The following STPG2 variants were observed in gnomAD, a reference collection of about 807,000 sequenced individuals.
STPG2 encodes sperm tail PG-rich repeat containing 2, also known as sperm-tail PG-rich repeat-containing protein 2.
A neutral mutation model predicts 54.2 loss-of-function variants in STPG2; 56 were observed. The observed-to-expected ratio is 1.03, with a 90% CI of 0.83 to 1.29. The LOEUF is 1.29. Ranked by LOEUF, STPG2 falls within the 50% of genes most tolerant of loss-of-function variation. The pLI, the probability that STPG2 is intolerant of heterozygous loss-of-function variation, is 0.00. For synonymous variants in STPG2, 200 were observed against 181.8 expected, an observed-to-expected ratio of 1.10 and a Z score of -0.81; for missense variants, 596 against 544.9, an observed-to-expected ratio of 1.09 and a Z score of -0.93.
intron 4 of STPG2, among the ~76,000 whole-genome samples, chr4:97,449,152 A>G (rs1367154117): frequency 6.6e-6 from 1 of 152,134 alleles, no homozygotes; most frequent in Admixed American, 6.6e-5. Context: ...AAAGTCATAT[A>G]TATTTGGTAG....
chr4:97,660,287 C>T (rs747277122), intron 10 of STPG2, among the ~76,000 whole-genome samples: 6 of 152,228 alleles, frequency 3.9e-5, no homozygotes, highest in Non-Finnish European at 8.8e-5. Context: ...AGGCGTGAGC[C>T]ACCGCGCCGG....
intron 5 of STPG2, among the ~76,000 whole-genome samples, chr4:98,053,143 T>C (rs1043622023): frequency 6.6e-6 from 1 of 152,158 alleles, no homozygotes; most frequent in African/African-American, 2.4e-5. Flanking sequence ...ATACCATACC[T>C]TTCCAATTTC....
At chr4:97,512,046 G>C (rs992808979) in intron 4 of STPG2, among the ~76,000 whole-genome samples, 1 of 151,994 alleles carries the variant, frequency 6.6e-6, no homozygotes. Context: ...TTATAATCTT[G>C]AAATTGTATA....
At chr4:97,888,528 T>C (rs1357172282) in intron 8 of STPG2, among the ~76,000 whole-genome samples, 7 of 152,220 alleles carry the variant, frequency 4.6e-5, no homozygotes, top group Admixed American at 1.3e-4. Flanking sequence ...GGCTGATTTC[T>C]CCCTTTTAGA....
Position 97,762,699 on chromosome 4 carries a change from T to C in STPG2, c.1205-49885A>G, listed in dbSNP as rs1222829688. ...CCACACTAACTTCAAGTATTCCAAA[T>C]TAGAAGCAAAAAAAGCTTCAAAACA... On this transcript the variant is annotated intron_variant, in intron 9 of 10. Transcript: ENST00000295268. Among the ~76,000 whole-genome samples the C allele has an allele frequency of 3.9e-5, 6 of 152,092 alleles. No homozygotes were observed. In the South Asian group the frequency reaches 8.3e-4, roughly 21 times the overall value.
chr4:97,978,512 G>A (rs1250065686), intron 6 of STPG2, among the ~76,000 whole-genome samples: 1 of 152,146 alleles, frequency 6.6e-6, no homozygotes, highest in Non-Finnish European at 1.5e-5. Context: ...CCTACCAGTG[G>A]TGGAGGGTGG....
chr4:97,684,786 C>T (rs1723137607), intron 10 of STPG2, among the ~76,000 whole-genome samples: 1 of 151,814 alleles, frequency 6.6e-6, no homozygotes, highest in Non-Finnish European at 1.5e-5. Context: ...CTGAGAGAAA[C>T]ACTATTAGGA....
rs561839286 is a variant in STPG2, at chr4:97,726,301, G to A, written c.1205-13487C>T. Reference sequence around the variant, plus strand: ...GTAGTGGTCAGGGGCTAGAGAGGAAGTTATTGTTTAATGACAAGAGTTTCA... The same window carrying A: ...GTAGTGGTCAGGGGCTAGAGAGGAAATTATTGTTTAATGACAAGAGTTTCA... On this transcript the variant is annotated intron_variant, in intron 9 of 10. Coordinates refer to ENST00000295268, the MANE Select transcript of STPG2 (RefSeq NM_174952.3). Among the ~76,000 whole-genome samples, 689 of 152,014 alleles carry A rather than the reference G, an allele frequency of 4.5e-3. 2 individuals carry two copies. Among genetic ancestry groups the A allele is most frequent in the Middle Eastern group, 0.02 (6 of 294 alleles).
chr4:97,961,555 A>G (rs1733889878), intron 7 of STPG2, among the ~76,000 whole-genome samples: 2 of 152,234 alleles, frequency 1.3e-5, no homozygotes, highest in South Asian at 4.1e-4. Context: ...GGACATGAAT[A>G]GACAATTCTC....
chr4:98,022,326 A>T (rs914835861), intron 5 of STPG2, among the ~76,000 whole-genome samples: 1 of 151,802 alleles, frequency 6.6e-6, no homozygotes, highest in African/African-American at 2.4e-5. Context: ...TCTTTTCTTT[A>T]AGAATGTTGA....
chr4:97,874,361 C>T (rs1578644924), intron 8 of STPG2, among the ~76,000 whole-genome samples: 3 of 151,552 alleles, frequency 2.0e-5, no homozygotes, highest in Admixed American at 2.0e-4. Flanking sequence ...TGCAACTTTG[C>T]TCATGTATAA....
chr4:97,521,020 T>C (rs1457894997), intron 4 of STPG2, among the ~76,000 whole-genome samples: 1 of 152,084 alleles, frequency 6.6e-6, no homozygotes, highest in Admixed American at 6.6e-5. Flanking sequence ...TTGATATTTA[T>C]GTTATTAAAT....
intron 4 of STPG2, among the ~76,000 whole-genome samples, chr4:97,495,738 AAAGT>A (rs1730598921): frequency 6.6e-6 from 1 of 151,078 alleles, no homozygotes; most frequent in African/African-American, 2.4e-5. Flanking sequence ...ACAGAACTAC[AAAGT>A]AAGCCAAATT....
chr4:97,772,147 T>G (rs994676960), intron 9 of STPG2, among the ~76,000 whole-genome samples: 1 of 152,172 alleles, frequency 6.6e-6, no homozygotes, highest in Non-Finnish European at 1.5e-5. Flanking sequence ...TTGAAGAGCA[T>G]GTATTAAAAG....
intron 9 of STPG2, among the ~76,000 whole-genome samples, chr4:97,828,079 C>A (rs1728321068): frequency 6.6e-6 from 1 of 152,102 alleles, no homozygotes; most frequent in African/African-American, 2.4e-5. Flanking sequence ...ATAAAATAAT[C>A]ATTCTTGGAT....
At chr4:97,620,461 T>G (rs766113861) in intron 10 of STPG2, among the ~76,000 whole-genome samples, 1 of 152,190 alleles carries the variant, frequency 6.6e-6, no homozygotes, top group African/African-American at 2.4e-5. Context: ...AGTTTGAGAC[T>G]TGAAGAATGT....
At chr4:97,500,728 C>T (rs1239919730) in intron 4 of STPG2, among the ~76,000 whole-genome samples, 1 of 151,930 alleles carries the variant, frequency 6.6e-6, no homozygotes, top group Non-Finnish European at 1.5e-5. Context: ...TTAAATATTG[C>T]TAATTAATAA....
intron 9 of STPG2, among the ~76,000 whole-genome samples, chr4:97,741,244 T>TA (rs1306569229): frequency 2.0e-5 from 3 of 152,076 alleles, no homozygotes; most frequent in Admixed American, 1.3e-4. Context: ...ACATTAGACC[T>TA]AAAACCATAA....
intron 10 of STPG2, among the ~76,000 whole-genome samples, chr4:97,638,209 T>A (rs891708135): frequency 6.6e-5 from 10 of 152,186 alleles, no homozygotes; most frequent in African/African-American, 2.4e-4. Context: ...AACTATCTGA[T>A]CTTTGACAAA....
Sources: gnomAD v4.1 joint callset for allele counts (sites outside exome capture counted in the v4.1 genomes callset) on GRCh38, gnomAD v4.1.1 for gene constraint, MANE v1.5 for transcripts, NCBI Gene and HGNC (gene_info 2026-07-23, HGNC 2026-07-21) for gene names.